The following TAF2 variants were observed in gnomAD, a reference collection of about 807,000 sequenced individuals.
The protein encoded by TAF2 is transcription initiation factor TFIID subunit 2.
TAF2 carries 61 observed loss-of-function variants against 138.5 expected under a neutral mutation model. That is an observed-to-expected ratio of 0.44 (90% CI 0.36 to 0.54). TAF2 has a LOEUF of 0.54. TAF2 is among the 20% of genes least tolerant of loss of function. The pLI is 0.00. For synonymous variants in TAF2, 475 were observed against 469.9 expected, an observed-to-expected ratio of 1.01 and a Z score of -0.14; for missense variants, 1,090 against 1,427.9, an observed-to-expected ratio of 0.76 and a Z score of 3.81.
intron 3 of TAF2, among the ~76,000 whole-genome samples, chr8:119,809,596 G>A (rs912538860): frequency 6.6e-6 from 1 of 152,170 alleles, no homozygotes; most frequent in African/African-American, 2.4e-5. Context: ...TTTAAAGTGT[G>A]AGATATGAGA....
chr8:119,800,038 A>T (rs1190251869), intron 6 of TAF2, among the ~76,000 whole-genome samples: 1 of 152,124 alleles, frequency 6.6e-6, no homozygotes, highest in African/African-American at 2.4e-5. Flanking sequence ...TAGATTCTGC[A>T]TATTAGCCCT....
intron 16 of TAF2, among the ~76,000 whole-genome samples, chr8:119,782,664 C>T (rs1245637466): frequency 6.6e-6 from 1 of 152,116 alleles, no homozygotes; most frequent in East Asian, 1.9e-4. Context: ...GTTTTGTCTG[C>T]ATTTTTCTGA....
At chr8:119,763,893 G>T (rs1211280156) in intron 18 of TAF2, among the ~76,000 whole-genome samples, 1 of 151,640 alleles carries the variant, frequency 6.6e-6, no homozygotes, top group Non-Finnish European at 1.5e-5. Context: ...GCTCACACCT[G>T]TAATCTCAGC....
chr8:119,820,313 C>T (rs1381625606), intron 2 of TAF2, among the ~76,000 whole-genome samples: 1 of 151,998 alleles, frequency 6.6e-6, no homozygotes, highest in Admixed American at 6.6e-5. Context: ...TTCAGGACTC[C>T]AACGTGAAGA....
chr8:119,823,871 T>C (rs942176408), intron 2 of TAF2, among the ~76,000 whole-genome samples: 1 of 152,116 alleles, frequency 6.6e-6, no homozygotes, highest in African/African-American at 2.4e-5. Context: ...GCTGAGGTGG[T>C]CTCAGATGGA....
chr8:119,793,131 C>T (rs985411425), intron 10 of TAF2, among the ~76,000 whole-genome samples: 1 of 151,938 alleles, frequency 6.6e-6, no homozygotes, highest in Non-Finnish European at 1.5e-5. Context: ...TAATGTGGCA[C>T]ATTAAAACTT....
intron 18 of TAF2, among the ~76,000 whole-genome samples, chr8:119,769,621 AC>A (rs1821683765): frequency 6.6e-6 from 1 of 152,076 alleles, no homozygotes; most frequent in Non-Finnish European, 1.5e-5. Flanking sequence ...TAGAAGAGCA[AC>A]AAACAGAACT....
Position 119,832,761 on chromosome 8 carries a change from T to A in TAF2, c.-197A>T. 1 of 509,812 alleles carries A rather than the reference T, an allele frequency of 2.0e-6. No homozygotes were observed. The highest frequency in any genetic ancestry group is 3.5e-6 in the Non-Finnish European group (1 of 287,074). The allele number at this position is 509,812 out of a possible 1,614,324, so 31.6% of individuals were successfully genotyped here. Reference sequence around the variant, plus strand: ...TTCGACTAGCTCCTAGAAGCCGCCGTCGACAAGCTTCTGTCACAGAGATGC... The same window carrying A: ...TTCGACTAGCTCCTAGAAGCCGCCGACGACAAGCTTCTGTCACAGAGATGC... On this transcript the variant is annotated 5_prime_UTR_variant, in exon 1 of 26. Transcript: ENST00000378164.
intron 25 of TAF2, among the ~76,000 whole-genome samples, chr8:119,733,600 C>T (rs1022420438): frequency 5.3e-4 from 81 of 152,142 alleles, no homozygotes; most frequent in African/African-American, 1.8e-3. Context: ...TTCCTCCAGA[C>T]CCACAGGCCT....
intron 22 of TAF2, among the ~76,000 whole-genome samples, chr8:119,755,720 A>AAAT (rs952091997): frequency 6.6e-6 from 1 of 152,146 alleles, no homozygotes; most frequent in African/African-American, 2.4e-5. Flanking sequence ...TAACTTTCTG[A>AAAT]AATAATAATA....
At chr8:119,804,726 T>C (rs141131740) in intron 4 of TAF2, among the ~76,000 whole-genome samples, 19 of 152,328 alleles carry the variant, frequency 1.2e-4, no homozygotes, top group African/African-American at 4.6e-4. Flanking sequence ...ATCAGCAGCA[T>C]GAAAACGGAC....
chr8:119,812,771 G>A (rs1825177619), intron 3 of TAF2, among the ~76,000 whole-genome samples: 1 of 144,938 alleles, frequency 6.9e-6, no homozygotes, highest in Non-Finnish European at 1.5e-5. Context: ...GTGTATATAT[G>A]GTGTATGTGT....
At chr8:119,812,022 C>T (rs577045505) in intron 3 of TAF2, among the ~76,000 whole-genome samples, 84 of 152,058 alleles carry the variant, frequency 5.5e-4, no homozygotes, top group African/African-American at 2.0e-3. Context: ...ACAACAGCTG[C>T]TCAGAAGACT....
intron 16 of TAF2, 46 bp downstream of exon 16, chr8:119,783,323 TCAGAGATACAAA>T: frequency 6.4e-7 from 1 of 1,574,196 alleles, no homozygotes; most frequent in Admixed American, 1.8e-5. Flanking sequence ...TAATTCATTT[TCAGAGATACAAA>T]AAATATATAC....
chr8:119,787,412 A>G (rs1251225655), intron 14 of TAF2, among the ~76,000 whole-genome samples: 1 of 152,168 alleles, frequency 6.6e-6, no homozygotes, highest in Non-Finnish European at 1.5e-5. Context: ...ACCCAACCCC[A>G]TCAAAAAGTG....
chr8:119,751,585 A>T (rs544417486), intron 22 of TAF2, among the ~76,000 whole-genome samples: 2 of 152,274 alleles, frequency 1.3e-5, no homozygotes, highest in East Asian at 3.9e-4. Context: ...TACTTTAGCA[A>T]CTATCTCTTC....
chr8:119,832,402 A>C, intron 1 of TAF2, 80 bp downstream of exon 1: 1 of 1,351,766 alleles, frequency 7.4e-7, no homozygotes, highest in Non-Finnish European at 1.0e-6. Context: ...CAGGCCCACC[A>C]AGTCAATTTC....
chr8:119,784,168 A>C (rs1019686016), intron 15 of TAF2, among the ~76,000 whole-genome samples: 4 of 152,240 alleles, frequency 2.6e-5, no homozygotes, highest in Non-Finnish European at 5.9e-5. Flanking sequence ...CACCTTCATC[A>C]AAAGAACACC....
chr8:119,802,739 C>G lies in TAF2; in HGVS notation c.561-714G>C, dbSNP rs553498355. Reference sequence around the variant, plus strand: ...ACCAGCCTGGCCAACATGGTGAAACCCTGTCTCTACTAATAATACAAAAAT... The same window carrying G: ...ACCAGCCTGGCCAACATGGTGAAACGCTGTCTCTACTAATAATACAAAAAT... On this transcript the variant is annotated intron_variant, in intron 5 of 25. Coordinates refer to ENST00000378164, the MANE Select transcript of TAF2 (RefSeq NM_003184.4). Among the ~76,000 whole-genome samples the G allele has an allele frequency of 2.6e-5, 4 of 152,196 alleles. No individual in the cohort carries two copies. In the South Asian group the frequency reaches 8.3e-4, roughly 32 times the overall value.
Sources: gnomAD v4.1 joint callset for allele counts (sites outside exome capture counted in the v4.1 genomes callset) on GRCh38, gnomAD v4.1.1 for gene constraint, MANE v1.5 for transcripts, NCBI Gene and HGNC (gene_info 2026-07-23, HGNC 2026-07-21) for gene names.